The following IL18RAP variants were observed in gnomAD, a reference collection of about 807,000 sequenced individuals.
The protein encoded by IL18RAP is interleukin 18 receptor accessory protein.
Under a neutral mutation model 58.1 loss-of-function variants are expected in IL18RAP, and 37 were observed. The observed-to-expected ratio is 0.64, with a 90% confidence interval of 0.49 to 0.84. The LOEUF (loss-of-function observed/expected upper bound fraction) is 0.84. IL18RAP is among the 40% of genes least tolerant of loss of function. The pLI is 0.00. For missense variants in IL18RAP, 667 were observed against 704.8 expected (o/e 0.95, Z 0.61); for synonymous variants, 268 against 257.5 (o/e 1.04, Z -0.39).
At chr2:102,430,332 T>C (rs996017877) in intron 3 of IL18RAP, among the ~76,000 whole-genome samples, 3 of 152,020 alleles carry the variant, frequency 2.0e-5, no homozygotes, top group African/African-American at 4.8e-5. Context: ...CTTTTTATAG[T>C]TTTTTTACTG....
chr2:102,450,797 TAA>T, intron 8 of IL18RAP, 49 bp from the exon 9 acceptor site: 1 of 1,239,398 alleles, frequency 8.1e-7, no homozygotes, highest in Non-Finnish European at 1.1e-6. Context: ...ACCATAACAG[TAA>T]AAAAAAGAGT....
chr2:102,445,527 T>C (rs1480148085), intron 7 of IL18RAP, among the ~76,000 whole-genome samples, 187 bp downstream of exon 7: 1 of 152,254 alleles, frequency 6.6e-6, no homozygotes, highest in African/African-American at 2.4e-5. Context: ...GTAAACTGCA[T>C]ATTACTGGTT....
chr2:102,419,504 C>G (rs1271204922), upstream of IL18RAP: 1 of 152,322 alleles, frequency 6.6e-6, no homozygotes, highest in Non-Finnish European at 1.5e-5. Flanking sequence ...TCCTCTCTCT[C>G]CCCCGTTTCT....
chr2:102,450,893 C>T lies in IL18RAP; in HGVS notation c.1256C>T (p.Ser419Phe). The T allele has an allele frequency of 6.2e-7, 1 of 1,610,404 alleles. No individual in the cohort carries two copies. The highest frequency in any genetic ancestry group is 8.5e-7 in the Non-Finnish European group (1 of 1,178,812). The change falls in exon 9 of 10, where the codon TCT (serine) becomes TTT (phenylalanine). Residue 419 changes from serine (S) to phenylalanine (F), a missense_variant. Transcript: ENST00000687160. ...TTCGTATCCTATGCAAAATGGAGCT[C>T]TTTTCCAAGTGAGGCCACTTCATCT... ...DAFVSYAKWS[S>F]FPSEATSSLS... is the part of the protein sequence containing the mutation.
At chr2:102,445,129 G>A in intron 6 of IL18RAP, 60 bp from the exon 7 acceptor site, 1 of 1,506,292 alleles carries the variant, frequency 6.6e-7, no homozygotes. Flanking sequence ...TGTTCCAAAT[G>A]CTGCAAATGG....
intron 3 of IL18RAP, among the ~76,000 whole-genome samples, chr2:102,428,077 G>C (rs1425443502): frequency 6.6e-6 from 1 of 150,600 alleles, no homozygotes; most frequent in Non-Finnish European, 1.5e-5. Context: ...TTTTATGCCA[G>C]TACCATGCTG....
intron 3 of IL18RAP, chr2:102,434,460 A>G (rs912607291): frequency 6.6e-6 from 1 of 152,144 alleles, no homozygotes; most frequent in African/African-American, 2.4e-5. Flanking sequence ...CTGATTTTGA[A>G]TGCCAACATA....
Position 102,452,000 on chromosome 2 carries a change from G to A in IL18RAP, c.1619G>A (p.Arg540Lys). The A allele has an allele frequency of 6.2e-7, 1 of 1,614,150 alleles. No homozygotes were observed. Among genetic ancestry groups the A allele is most frequent in the Non-Finnish European group, 8.5e-7 (1 of 1,180,034 alleles). Residue 540 changes from arginine to lysine, a missense_variant, in exon 10 of 10, where the codon AGA (arginine) becomes AAA (lysine). Arg to Lys is a conservative substitution (Grantham distance 26). Coordinates refer to ENST00000687160, the MANE Select transcript of IL18RAP (RefSeq NM_001393487.1). ...ALRVLPTVTWRGLKSVPPNSR... is the reference protein window; with the variant it reads ...ALRVLPTVTWKGLKSVPPNSR... ...AGGGTTTTGCCCACAGTTACTTGGA[G>A]AGGCTTAAAATCAGTTCCTCCCAAT...
At chr2:102,451,056 A>C in intron 9 of IL18RAP, 35 bp downstream of exon 9, 1 of 1,539,764 alleles carries the variant, frequency 6.5e-7, no homozygotes, top group Non-Finnish European at 8.8e-7. Flanking sequence ...CTGCAGTGCA[A>C]AAAGGGCAGT....
upstream of IL18RAP, among the ~76,000 whole-genome samples, chr2:102,422,252 C>A (rs544378680): frequency 2.9e-4 from 44 of 152,324 alleles, no homozygotes; most frequent in Middle Eastern, 3.4e-3. Context: ...GATGTCTAGT[C>A]TCTCCTCCAA....
intron 3 of IL18RAP, among the ~76,000 whole-genome samples, chr2:102,435,833 C>G (rs985744767): frequency 6.9e-6 from 1 of 144,094 alleles, no homozygotes; most frequent in East Asian, 2.0e-4. Context: ...AAGTCCTTTG[C>G]AGTGTCTTCA....
At chr2:102,440,671 T>A (rs572902586) in intron 4 of IL18RAP, among the ~76,000 whole-genome samples, 1 of 151,706 alleles carries the variant, frequency 6.6e-6, no homozygotes, top group African/African-American at 2.4e-5. Context: ...AATACAGGAC[T>A]GAGATGGTGC....
intron 8 of IL18RAP, among the ~76,000 whole-genome samples, chr2:102,447,949 G>C (rs1046090486): frequency 6.6e-6 from 1 of 152,100 alleles, no homozygotes; most frequent in Non-Finnish European, 1.5e-5. Flanking sequence ...GGCCAGGCTG[G>C]TCTCGAACTC....
chr2:102,424,674 G>A (rs1381566274), intron 3 of IL18RAP, among the ~76,000 whole-genome samples: 1 of 152,094 alleles, frequency 6.6e-6, no homozygotes, highest in African/African-American at 2.4e-5. Context: ...TTACACATGA[G>A]GTTAGACATA....
intron 3 of IL18RAP, among the ~76,000 whole-genome samples, chr2:102,433,546 G>A (rs948095766): frequency 6.8e-6 from 1 of 147,686 alleles, no homozygotes; most frequent in African/African-American, 2.5e-5. Context: ...TTTGTTTTTT[G>A]AGATGGAATC....
intron 4 of IL18RAP, chr2:102,439,807 G>A (rs1320017943): frequency 2.0e-5 from 3 of 152,184 alleles, no homozygotes; most frequent in African/African-American, 4.8e-5. Flanking sequence ...AAGTCATGAC[G>A]ACAAGTAGGT....
upstream of IL18RAP, among the ~76,000 whole-genome samples, chr2:102,422,190 T>C (rs977770280): frequency 2.6e-5 from 4 of 152,196 alleles, no homozygotes; most frequent in Admixed American, 6.5e-5. Flanking sequence ...GACTCTTTGG[T>C]GGACACTTTT....
chr2:102,423,361 C>A lies in IL18RAP; in HGVS notation c.70+14C>A. The A allele has an allele frequency of 6.2e-7, 1 of 1,608,598 alleles. No homozygotes were observed. Among genetic ancestry groups the A allele is most frequent in the South Asian group, 1.1e-5 (1 of 90,990 alleles). ...TTAATATTTCAGGTAGGGGTTTTCA[C>A]TTTTCATGTTAGCACTGTGAGTCTG... On this transcript the variant is annotated intron_variant, in intron 1 of 9. Transcript: ENST00000687160.
At position 102,452,119 on chromosome 2, in the gene IL18RAP, C is replaced by T; in HGVS notation, c.1738C>T (p.Gln580Ter). ...GCTCAGAATTACCTCTAGGATTTTT[C>T]AGTGGAAAGGACTCAGTAGAACAGA... ...NQLRITSRIF[Q>*]WKGLSRTETT... Residue 580 changes from glutamine (Q) to a stop codon, truncating the protein, a stop_gained, in exon 10 of 10, where the codon CAG becomes TAG. Coordinates refer to ENST00000687160, the MANE Select transcript of IL18RAP (RefSeq NM_001393487.1). LOFTEE classifies it low-confidence loss of function (END_TRUNC). 6.2e-7 allele frequency: 1 copy of T among 1,614,066 alleles called. No individual in the cohort carries two copies. The highest frequency in any genetic ancestry group is 8.5e-7 in the Non-Finnish European group (1 of 1,179,996).
Sources: allele counts gnomAD v4.1 joint callset (sites outside exome capture counted in the v4.1 genomes callset), GRCh38; gene constraint gnomAD v4.1.1; transcripts MANE v1.5; gene names NCBI Gene and HGNC (gene_info 2026-07-23, HGNC 2026-07-21).